The following KLF13 variants were observed in gnomAD, a reference collection of about 807,000 sequenced individuals.
The protein encoded by KLF13 is Krueppel-like factor 13.
In KLF13, 8 loss-of-function variants were observed where a neutral mutation model predicts 16.7. That is an observed-to-expected ratio of 0.48 (90% confidence interval 0.28 to 0.87). The LOEUF is 0.87. Among genes scored for constraint, KLF13 ranks in the 40% least tolerant of loss-of-function variants. KLF13 has a pLI of 0.10. For missense variants in KLF13, 447 were observed against 452.2 expected, an observed-to-expected ratio of 0.99 and a Z score of 0.10; for synonymous variants, 245 against 208.4, an observed-to-expected ratio of 1.18 and a Z score of -1.51.
At chr15:31,428,820 A>AAAAAAAAAAAAAAG (rs61521558) in intron 1 of KLF13, among the ~76,000 whole-genome samples, 1,371 of 72,592 alleles carry the variant, frequency 0.019, 10 homozygotes, top group Non-Finnish European at 0.024. Flanking sequence ...AAAAAAAAAA[A>AAAAAAAAAAAAAAG]AAAAAGAAAA....
At chr15:31,356,033 C>T (rs79056675) in intron 1 of KLF13, among the ~76,000 whole-genome samples, 8 of 151,994 alleles carry the variant, frequency 5.3e-5, no homozygotes, top group South Asian at 2.1e-4. Context: ...TTTTCCTTTC[C>T]TTCTGACTTT....
At chr15:31,380,956 G>A (rs925637341), downstream of KLF13, among the ~76,000 whole-genome samples, 2 of 152,134 alleles carry the variant, frequency 1.3e-5, no homozygotes, top group African/African-American at 2.4e-5. Context: ...GGCAGATCAC[G>A]AGGTCAGGAG....
intron 1 of KLF13, among the ~76,000 whole-genome samples, chr15:31,339,746 G>A (rs1183534323): frequency 1.3e-5 from 2 of 152,190 alleles, no homozygotes; most frequent in African/African-American, 4.8e-5. Flanking sequence ...TACCTTGTTG[G>A]TGTTTGCTGT....
intron 1 of KLF13, among the ~76,000 whole-genome samples, chr15:31,416,304 C>T (rs2040257388): frequency 6.6e-6 from 1 of 151,988 alleles, no homozygotes; most frequent in African/African-American, 2.4e-5. Flanking sequence ...CATTATGAAG[C>T]CATTATTATC....
At chr15:31,354,569 A>G (rs908928204) in intron 1 of KLF13, among the ~76,000 whole-genome samples, 1 of 152,102 alleles carries the variant, frequency 6.6e-6, no homozygotes, top group Non-Finnish European at 1.5e-5. Flanking sequence ...TTTAGTAGAG[A>G]TGGGGTTTCA....
chr15:31,385,332 GA>G (rs1040359432), intron 1 of KLF13, among the ~76,000 whole-genome samples: 6 of 152,252 alleles, frequency 3.9e-5, no homozygotes, highest in African/African-American at 1.4e-4. Context: ...AGGTGACTGA[GA>G]GGGGCCCAAG....
chr15:31,348,739 G>A (rs1051057115), intron 1 of KLF13, among the ~76,000 whole-genome samples: 1 of 152,228 alleles, frequency 6.6e-6, no homozygotes, highest in African/African-American at 2.4e-5. Context: ...TGGAGGCTCA[G>A]TGTGCTGCTG....
chr15:31,388,823 C>T (rs1472685834), upstream of KLF13, among the ~76,000 whole-genome samples: 1 of 145,386 alleles, frequency 6.9e-6, no homozygotes, highest in Admixed American at 6.9e-5. Context: ...ATTCCCCCCA[C>T]ACACACCAGT....
At chr15:31,407,352 G>T (rs147811035), downstream of KLF13, among the ~76,000 whole-genome samples, 58 of 152,220 alleles carry the variant, frequency 3.8e-4, 2 homozygotes, top group African/African-American at 1.4e-3. Flanking sequence ...ATCAATACCT[G>T]GGCATTTTGC....
intron 2 of KLF13, among the ~76,000 whole-genome samples, chr15:31,395,662 T>C (rs1335420312): frequency 2.6e-5 from 4 of 152,240 alleles, no homozygotes; most frequent in African/African-American, 9.6e-5. Flanking sequence ...ACTGTCCTCC[T>C]TTTTGTTCAT....
At chr15:31,389,472 A>G (rs563069767), upstream of KLF13, among the ~76,000 whole-genome samples, 1 of 152,292 alleles carries the variant, frequency 6.6e-6, no homozygotes, top group Non-Finnish European at 1.5e-5. Flanking sequence ...AATTACCTCC[A>G]GTCCCCTCTA....
At chr15:31,410,582 AAC>A (rs71110871) in intron 1 of KLF13, among the ~76,000 whole-genome samples, 7,827 of 146,688 alleles carry the variant, frequency 0.053, 307 homozygotes, top group Admixed American at 0.096. Context: ...AACACCAACC[AAC>A]ACACACACAC....
At chr15:31,366,050 T>G (rs2039465007) in intron 1 of KLF13, 1 of 152,220 alleles carries the variant, frequency 6.6e-6, no homozygotes, top group Non-Finnish European at 1.5e-5. Flanking sequence ...AGGGAACATT[T>G]ATGTAACGCG....
At chr15:31,343,150 T>C (rs561740172) in intron 1 of KLF13, among the ~76,000 whole-genome samples, 15 of 152,322 alleles carry the variant, frequency 9.8e-5, no homozygotes, top group African/African-American at 3.6e-4. Flanking sequence ...TCTTCTCTCT[T>C]CTGCTTTGAG....
At chr15:31,407,065 A>G (rs576093698), downstream of KLF13, among the ~76,000 whole-genome samples, 36 of 152,354 alleles carry the variant, frequency 2.4e-4, no homozygotes, top group Middle Eastern at 3.4e-3. Flanking sequence ...TCTTTGGTGC[A>G]CCATTATTTT....
chr15:31,365,035 G>A (rs1159950624), intron 1 of KLF13, among the ~76,000 whole-genome samples: 1 of 152,178 alleles, frequency 6.6e-6, no homozygotes. Context: ...ACAGGAGGGT[G>A]AACAGTCTTC....
downstream of KLF13, among the ~76,000 whole-genome samples, chr15:31,378,775 A>G (rs190815547): frequency 2.8e-4 from 43 of 152,256 alleles, no homozygotes; most frequent in Non-Finnish European, 5.6e-4. Flanking sequence ...CTGGAGTGCA[A>G]TGGTGGCAAT....
At chr15:31,328,461 C>T (rs981268205) in intron 1 of KLF13, among the ~76,000 whole-genome samples, 1 of 151,990 alleles carries the variant, frequency 6.6e-6, no homozygotes, top group African/African-American at 2.4e-5. Flanking sequence ...GTGGGAGCCC[C>T]CGCCCATCCG....
chr15:31,330,661 C>G (rs1333293471), intron 1 of KLF13, among the ~76,000 whole-genome samples: 1 of 152,232 alleles, frequency 6.6e-6, no homozygotes, highest in African/African-American at 2.4e-5. Context: ...GCTTTCTGTC[C>G]TGGTTAGCTG....
Sources: gnomAD v4.1 joint callset for allele counts (sites outside exome capture counted in the v4.1 genomes callset) on GRCh38, gnomAD v4.1.1 for gene constraint, MANE v1.5 for transcripts, NCBI Gene and HGNC (gene_info 2026-07-23, HGNC 2026-07-21) for gene names.